NEGR1: variants seen among roughly 807,000 people sequenced by gnomAD.
NEGR1 encodes IgLON family member 4.
In NEGR1, 10 loss-of-function variants were observed where a neutral mutation model predicts 40.9. The ratio of observed to expected loss-of-function variants is 0.24; its 90% CI spans 0.15 to 0.42. The LOEUF (loss-of-function observed/expected upper bound fraction) is 0.42, where lower values mean the gene tolerates loss of function less well. Ranked by LOEUF, NEGR1 falls within the 10% of genes least tolerant of loss-of-function variation. The probability of loss-of-function intolerance (pLI) is 1.00; values close to 1 mark genes in which losing one functional copy is unlikely to be tolerated. For synonymous variants in NEGR1, 185 were observed against 166.8 expected, an observed-to-expected ratio of 1.11 and a Z score of -0.84; for missense variants, 352 against 438.9, an observed-to-expected ratio of 0.80 and a Z score of 1.77.
chr1:71,688,354 A>T (rs1224088651), intron 4 of NEGR1, among the ~76,000 whole-genome samples: 1 of 78,344 alleles, frequency 1.3e-5, no homozygotes, highest in Non-Finnish European at 2.6e-5. Context: ...AGATAGATAG[A>T]TTATATATAT....
chr1:71,709,845 A>G (rs1395180015), intron 3 of NEGR1, among the ~76,000 whole-genome samples: 1 of 152,220 alleles, frequency 6.6e-6, no homozygotes. Context: ...AGCACAGGCA[A>G]CCAAAGCGAA....
intron 1 of NEGR1, among the ~76,000 whole-genome samples, chr1:72,255,489 T>C (rs1471874251): frequency 6.6e-6 from 1 of 152,066 alleles, no homozygotes; most frequent in African/African-American, 2.4e-5. Context: ...CTGACCCTTG[T>C]GTGGTACTTA....
chr1:71,409,418 G>A (rs1646301570), intron 6 of NEGR1, among the ~76,000 whole-genome samples: 1 of 151,884 alleles, frequency 6.6e-6, no homozygotes, highest in Admixed American at 6.6e-5. Flanking sequence ...AGCATAAAAA[G>A]CAAAGGTAAA....
intron 2 of NEGR1, among the ~76,000 whole-genome samples, chr1:71,835,064 T>C (rs1207239181): frequency 6.6e-6 from 1 of 152,126 alleles, no homozygotes; most frequent in African/African-American, 2.4e-5. Flanking sequence ...GCCTGGTTGT[T>C]GGCTCACTCA....
intron 5 of NEGR1, among the ~76,000 whole-genome samples, chr1:71,601,251 T>A (rs533554417): frequency 1.3e-5 from 2 of 152,170 alleles, no homozygotes; most frequent in Admixed American, 6.5e-5. Context: ...GAAATGCAAA[T>A]TAAAACCACA....
At chr1:71,794,239 A>T (rs575747066) in intron 2 of NEGR1, 10 of 152,316 alleles carry the variant, frequency 6.6e-5, no homozygotes, top group African/African-American at 2.4e-4. Context: ...CAATTACATT[A>T]AATTCCATTT....
intron 1 of NEGR1, among the ~76,000 whole-genome samples, chr1:72,051,542 C>A (rs892351725): frequency 2.0e-5 from 3 of 151,418 alleles, no homozygotes; most frequent in African/African-American, 7.3e-5. Flanking sequence ...AAAAAAATTT[C>A]TTATTTCCTG....
chr1:72,001,441 T>C (rs1325437956), intron 1 of NEGR1, among the ~76,000 whole-genome samples: 2 of 151,852 alleles, frequency 1.3e-5, no homozygotes, highest in East Asian at 3.9e-4. Flanking sequence ...CAGATCTGCA[T>C]TTTAATAAAC....
At chr1:72,140,882 AATTTATATTT>A (rs779749810) in intron 1 of NEGR1, among the ~76,000 whole-genome samples, 66 of 152,078 alleles carry the variant, frequency 4.3e-4, no homozygotes, top group Non-Finnish European at 3.8e-4. Flanking sequence ...TTCCAAAAGG[AATTTATATTT>A]AGATATGAAA....
intron 6 of NEGR1, among the ~76,000 whole-genome samples, chr1:71,592,277 G>A (rs1649528217): frequency 6.6e-6 from 1 of 151,902 alleles, no homozygotes; most frequent in Admixed American, 6.6e-5. Flanking sequence ...GTATTTATTT[G>A]AATAAAATCT....
At chr1:71,660,775 C>T (rs185443379) in intron 4 of NEGR1, among the ~76,000 whole-genome samples, 7 of 152,176 alleles carry the variant, frequency 4.6e-5, no homozygotes, top group African/African-American at 9.6e-5. Context: ...TAGGTATACA[C>T]GTGCCATGGT....
At chr1:71,939,685 G>A (rs904366282) in intron 1 of NEGR1, among the ~76,000 whole-genome samples, 3 of 152,126 alleles carry the variant, frequency 2.0e-5, no homozygotes, top group Admixed American at 2.0e-4. Flanking sequence ...CAAGTCAGGG[G>A]CAGGGGTGGG....
chr1:72,212,588 T>C (rs1168981031), intron 1 of NEGR1, among the ~76,000 whole-genome samples: 2 of 151,996 alleles, frequency 1.3e-5, no homozygotes, highest in Non-Finnish European at 2.9e-5. Context: ...TCACTTACAT[T>C]TTGATAATTT....
At chr1:72,199,258 T>C (rs761449538) in intron 1 of NEGR1, among the ~76,000 whole-genome samples, 5 of 113,632 alleles carry the variant, frequency 4.4e-5, no homozygotes, top group Non-Finnish European at 7.8e-5. Context: ...TATACTGCGC[T>C]ACTCTGGGGG....
chr1:71,918,515 A>G (rs1418629988), intron 2 of NEGR1, among the ~76,000 whole-genome samples: 2 of 152,088 alleles, frequency 1.3e-5, no homozygotes, highest in Non-Finnish European at 2.9e-5. Flanking sequence ...TAGCTAAATA[A>G]ATAACTTTGA....
chr1:72,103,748 C>T (rs1425718881), intron 1 of NEGR1, among the ~76,000 whole-genome samples: 2 of 151,870 alleles, frequency 1.3e-5, no homozygotes, highest in East Asian at 1.9e-4. Flanking sequence ...CTTTTCCTGC[C>T]GCCCTTCAAC....
At chr1:72,025,562 A>G (rs181446628) in intron 1 of NEGR1, among the ~76,000 whole-genome samples, 13 of 152,298 alleles carry the variant, frequency 8.5e-5, no homozygotes, top group Admixed American at 7.8e-4. Context: ...TGAGCTTAAA[A>G]TCAATCCTAG....
chr1:72,077,491 C>T (rs1473208626), intron 1 of NEGR1, among the ~76,000 whole-genome samples: 2 of 152,008 alleles, frequency 1.3e-5, no homozygotes, highest in African/African-American at 2.4e-5. Context: ...TGAATAATTA[C>T]TTTAAAATTG....
chr1:71,423,830 C>CCTT (rs1557521046), intron 6 of NEGR1, among the ~76,000 whole-genome samples: 1 of 141,388 alleles, frequency 7.1e-6, no homozygotes, highest in East Asian at 2.1e-4. Context: ...CCCACCCCCC[C>CCTT]TTTTTTTTTT....
Sources: gnomAD v4.1 joint callset for allele counts (sites outside exome capture counted in the v4.1 genomes callset) on GRCh38, gnomAD v4.1.1 for gene constraint, MANE v1.5 for transcripts, NCBI Gene and HGNC (gene_info 2026-07-23, HGNC 2026-07-21) for gene names.